Variants in ATP13A3 observed in about 807,000 individuals in gnomAD.
ATP13A3 encodes ATPase 13A3.
In ATP13A3, 59 loss-of-function variants were observed where a neutral mutation model predicts 158.1. The ratio of observed to expected loss-of-function variants is 0.37; its 90% CI spans 0.30 to 0.46. The LOEUF (loss-of-function observed/expected upper bound fraction) is 0.46. Among genes scored for constraint, ATP13A3 ranks in the 20% least tolerant of loss-of-function variants. The pLI is 1.00. For synonymous variants in ATP13A3, 491 were observed against 504.3 expected (o/e 0.97, Z 0.35); for missense variants, 1,166 against 1,525.2 (o/e 0.76, Z 3.92).
At chr3:194,431,639 AATGCACCACTTTTTTT>A in intron 22 of ATP13A3, 62 bp downstream of exon 22, 1 of 1,362,394 alleles carries the variant, frequency 7.3e-7, no homozygotes, top group East Asian at 2.6e-5. Context: ...ACTGTGTTTT[AATGCACCACTTTTTTT>A]ATTTTTTCAG....
chr3:194,413,849 A>G lies in ATP13A3; in HGVS notation c.3403-10T>C. On this transcript the variant is annotated splice_polypyrimidine_tract_variant and intron_variant, in intron 31 of 33. Transcript: ENST00000645319. ...ATGGTACACACACTATCTGTAATGC[A>G]AAAACATTTTAAAGTTAAAATTGTT... 1 of 1,608,546 alleles carries G rather than the reference A, an allele frequency of 6.2e-7. No homozygotes were observed. The highest frequency in any genetic ancestry group is 1.3e-5 in the African/African-American group (1 of 74,924).
chr3:194,469,100 T>C (rs1577087992), intron 2 of ATP13A3, among the ~76,000 whole-genome samples: 2 of 149,522 alleles, frequency 1.3e-5, no homozygotes, highest in Admixed American at 1.3e-4. Flanking sequence ...GCCACTGCAC[T>C]CCAGCCAGCA....
chr3:194,472,999 T>G (rs1366832807), intron 2 of ATP13A3, among the ~76,000 whole-genome samples: 1 of 151,988 alleles, frequency 6.6e-6, no homozygotes, highest in Non-Finnish European at 1.5e-5. Flanking sequence ...TGGCAATGAC[T>G]AGATGAAGGA....
Position 194,437,155 on chromosome 3 carries a change from G to C in ATP13A3, c.2060C>G (p.Ala687Gly). The change falls in exon 20 of 34, where the codon GCT becomes GGT. Residue 687 changes from alanine (A) to glycine (G), a missense_variant. Ala to Gly is a moderately conservative substitution (Grantham distance 60). Transcript: ENST00000645319. ...TGACTCCAATTTTCTGTGTGCAAGA[G>C]CAATCACACGGAAGCCCTGTTTAGT... ...DFTKQGFRVIALAHRKLESKL... is the reference protein window; with the variant it reads ...DFTKQGFRVIGLAHRKLESKL... 6.2e-7 allele frequency: 1 copy of C among 1,613,966 alleles called. No homozygotes were observed. The highest frequency in any genetic ancestry group is 8.5e-7 in the Non-Finnish European group (1 of 1,179,856).
chr3:194,480,657 T>G (rs1044151744), intron 2 of ATP13A3, among the ~76,000 whole-genome samples: 1 of 152,202 alleles, frequency 6.6e-6, no homozygotes, highest in East Asian at 1.9e-4. Flanking sequence ...CTTACGGAGA[T>G]AGCAGATGTT....
chr3:194,489,918 G>A (rs971300749), upstream of ATP13A3, among the ~76,000 whole-genome samples: 1 of 152,144 alleles, frequency 6.6e-6, no homozygotes, highest in African/African-American at 2.4e-5. The surrounding 1 kb of genome is among the most constrained non-coding windows in gnomAD (Gnocchi z 4.1). Flanking sequence ...GGAACAGTCT[G>A]GAGAAGTCCT....
chr3:194,429,104 A>G (rs1471869276), intron 27 of ATP13A3, among the ~76,000 whole-genome samples, 187 bp from the exon 28 acceptor site: 2 of 152,140 alleles, frequency 1.3e-5, no homozygotes, highest in Non-Finnish European at 2.9e-5. Flanking sequence ...TATTTGATTT[A>G]GTATATTAGT....
rs539053537 is a variant in ATP13A3 at position 194,454,556 on chromosome 3, C to T, written c.631-164G>A. Reference sequence around the variant, plus strand: ...CCTAAAAAGTAGGGCAGGCTGGGCGCGGTGGCTCACGCCTGTAATCCCAGC... The same window carrying T: ...CCTAAAAAGTAGGGCAGGCTGGGCGTGGTGGCTCACGCCTGTAATCCCAGC... On this transcript the variant is annotated intron_variant, in intron 8 of 33. Transcript: ENST00000645319. Among the ~76,000 whole-genome samples, 125 of 152,266 alleles carry T rather than the reference C, an allele frequency of 8.2e-4. 1 individual carries two copies. Among genetic ancestry groups the T allele is most frequent in the East Asian group, 1.9e-3 (10 of 5,182 alleles).
intron 32 of ATP13A3, among the ~76,000 whole-genome samples, chr3:194,413,423 G>C (rs1207029049): frequency 1.3e-5 from 2 of 152,078 alleles, no homozygotes; most frequent in African/African-American, 4.8e-5. Context: ...CAAAACACAG[G>C]TGGCACATGC....
intron 8 of ATP13A3, 66 bp downstream of exon 8, chr3:194,455,827 A>C: frequency 1.0e-6 from 1 of 995,306 alleles, no homozygotes; most frequent in Non-Finnish European, 1.5e-6. Context: ...TTTTAATCAC[A>C]ACTCATTCCA....
chr3:194,461,101 C>A (rs1719625783), intron 3 of ATP13A3, among the ~76,000 whole-genome samples: 1 of 152,072 alleles, frequency 6.6e-6, no homozygotes, highest in Non-Finnish European at 1.5e-5. Context: ...ATAGTAAATT[C>A]ATATTTAGTA....
chr3:194,489,828 G>A (rs548601771), upstream of ATP13A3, among the ~76,000 whole-genome samples: 200 of 152,306 alleles, frequency 1.3e-3, no homozygotes, highest in Non-Finnish European at 1.6e-3. The surrounding 1 kb of genome is among the most constrained non-coding windows in gnomAD (Gnocchi z 4.1). Context: ...ACCAGGAAAG[G>A]CTTGAGCATG....
chr3:194,459,566 A>T (rs1170962829), intron 5 of ATP13A3, 25 bp from the exon 6 acceptor site: 1 of 1,552,292 alleles, frequency 6.4e-7, no homozygotes, highest in Non-Finnish European at 8.9e-7. Flanking sequence ...TAAACGTTAC[A>T]CCAAAAAGCA....
chr3:194,465,402 G>A (rs1053385082), intron 2 of ATP13A3, among the ~76,000 whole-genome samples: 4 of 152,088 alleles, frequency 2.6e-5, no homozygotes, highest in African/African-American at 4.8e-5. Context: ...GCTGCGTACC[G>A]CTCAGCACTT....
chr3:194,443,038 TAA>T (rs11426254), intron 15 of ATP13A3, among the ~76,000 whole-genome samples: 35 of 140,694 alleles, frequency 2.5e-4, no homozygotes, highest in Non-Finnish European at 2.5e-4. Flanking sequence ...TGCTTTCACT[TAA>T]AAAAAAAAAA....
intron 33 of ATP13A3, among the ~76,000 whole-genome samples, chr3:194,410,139 C>T (rs1715253493): frequency 6.6e-6 from 1 of 151,480 alleles, no homozygotes; most frequent in Non-Finnish European, 1.5e-5. Flanking sequence ...ATGAACACTT[C>T]AGAGGTAGAA....
chr3:194,406,347 T>A (rs2108688209), intron 33 of ATP13A3, among the ~76,000 whole-genome samples: 1 of 152,258 alleles, frequency 6.6e-6, no homozygotes, highest in Non-Finnish European at 1.5e-5. Flanking sequence ...GGAGGACTGC[T>A]TGAGCCCAGG....
rs1716179897 is a variant in ATP13A3 at position 194,420,062 on chromosome 3, T to C, written c.3314-95A>G. 8 of 1,339,568 alleles carry C rather than the reference T, an allele frequency of 6.0e-6. No homozygotes were observed. In the East Asian group the frequency reaches 9.0e-5, roughly 15 times the overall value. The allele number at this position is 1,339,568 out of a possible 1,614,324, so 83.0% of individuals were successfully genotyped here. A position where few individuals can be genotyped will look rare whatever the true frequency, so the allele number is the denominator to read the frequency against. On this transcript the variant is annotated intron_variant, in intron 30 of 33. Transcript: ENST00000645319. ...AGCTGGTATACTGTCATTTGTAAAT[T>C]TGGTTTTGAATACTTTCACTTCAGT...
chr3:194,450,056 G>A, intron 11 of ATP13A3, 89 bp downstream of exon 11: 1 of 1,355,208 alleles, frequency 7.4e-7, no homozygotes, highest in African/African-American at 1.5e-5. Flanking sequence ...AGGTACAAAT[G>A]ACATAGCTAA....
Sources: gnomAD v4.1 joint callset for allele counts (sites outside exome capture counted in the v4.1 genomes callset) on GRCh38, gnomAD v4.1.1 for gene constraint, Gnocchi (gnomAD v3.1) non-coding constraint, MANE v1.5 for transcripts, NCBI Gene and HGNC (gene_info 2026-07-23, HGNC 2026-07-21) for gene names.